GRID2: variants seen among roughly 807,000 people sequenced by gnomAD.
GRID2 encodes glutamate ionotropic receptor delta type subunit 2, also known as glutamate receptor ionotropic, delta-2.
GRID2 carries 33 observed loss-of-function variants against 114.8 expected under a neutral mutation model. That is an observed-to-expected ratio of 0.29 (90% CI 0.22 to 0.38). GRID2 has a LOEUF of 0.38. GRID2 is among the 10% of genes least tolerant of loss of function. The pLI is 1.00. For synonymous variants in GRID2, 505 were observed against 449.9 expected, an observed-to-expected ratio of 1.12 and a Z score of -1.55; for missense variants, 1,184 against 1,257.7, an observed-to-expected ratio of 0.94 and a Z score of 0.89.
intron 2 of GRID2, among the ~76,000 whole-genome samples, chr4:92,695,835 A>T (rs1181291458): frequency 6.6e-6 from 1 of 152,148 alleles, no homozygotes; most frequent in Non-Finnish European, 1.5e-5. Flanking sequence ...TTCGTGAATT[A>T]AAAAAATACG....
At chr4:93,645,615 G>A (rs974661912) in intron 14 of GRID2, among the ~76,000 whole-genome samples, 3 of 152,096 alleles carry the variant, frequency 2.0e-5, no homozygotes, top group Non-Finnish European at 2.9e-5. Context: ...AGCACATCAT[G>A]TTGCCTGTCT....
At chr4:92,759,816 G>A (rs1331775406) in intron 2 of GRID2, among the ~76,000 whole-genome samples, 1 of 149,286 alleles carries the variant, frequency 6.7e-6, no homozygotes, top group African/African-American at 2.5e-5. Flanking sequence ...TAGTAGAGAC[G>A]GGGTTTCACC....
intron 2 of GRID2, among the ~76,000 whole-genome samples, chr4:92,736,085 A>C (rs191257277): frequency 7.9e-4 from 121 of 152,276 alleles, no homozygotes; most frequent in Admixed American, 6.3e-3. Context: ...AATTAAGGAT[A>C]TCAAAATGGA....
intron 8 of GRID2, among the ~76,000 whole-genome samples, chr4:93,378,880 A>C (rs2149304869): frequency 6.6e-6 from 1 of 152,072 alleles, no homozygotes; most frequent in South Asian, 2.1e-4. Context: ...ACTGAAAATT[A>C]TTTTTTTGGT....
chr4:93,710,734 G>A (rs528841071), intron 14 of GRID2, among the ~76,000 whole-genome samples: 14 of 152,294 alleles, frequency 9.2e-5, no homozygotes, highest in South Asian at 8.3e-4. Flanking sequence ...CTGGAGTTGA[G>A]AACTTTAGAA....
chr4:92,646,598 T>C (rs1457185806), intron 2 of GRID2, among the ~76,000 whole-genome samples: 44 of 152,214 alleles, frequency 2.9e-4, no homozygotes, highest in Admixed American at 2.9e-3. Flanking sequence ...CCGGAATTAT[T>C]TTTTGTCTAT....
intron 4 of GRID2, among the ~76,000 whole-genome samples, chr4:93,128,120 C>G (rs1372268793): frequency 7.2e-6 from 1 of 139,576 alleles, no homozygotes; most frequent in Non-Finnish European, 1.5e-5. Context: ...GTCAACTTAA[C>G]CTTTTATTCA....
chr4:93,002,724 A>G (rs1271101976), intron 2 of GRID2, among the ~76,000 whole-genome samples: 1 of 151,844 alleles, frequency 6.6e-6, no homozygotes, highest in East Asian at 1.9e-4. Context: ...TATGATGATT[A>G]GACTATTTCC....
intron 13 of GRID2, among the ~76,000 whole-genome samples, chr4:93,544,070 C>T (rs141940093): frequency 1.6e-4 from 25 of 152,268 alleles, no homozygotes; most frequent in Admixed American, 1.2e-3. Context: ...TCATGCTAGA[C>T]ACATTTCAGA....
At chr4:92,617,138 A>G (rs2149234765) in intron 2 of GRID2, among the ~76,000 whole-genome samples, 1 of 151,516 alleles carries the variant, frequency 6.6e-6, no homozygotes, top group Non-Finnish European at 1.5e-5. Flanking sequence ...ACAGTGCTAT[A>G]GTACACAAGA....
intron 2 of GRID2, among the ~76,000 whole-genome samples, chr4:92,758,019 T>C (rs1440376454): frequency 6.6e-6 from 1 of 151,948 alleles, no homozygotes; most frequent in Non-Finnish European, 1.5e-5. Flanking sequence ...TAGTAACAAT[T>C]CCTTTGGAGA....
At chr4:93,729,098 A>C (rs993415997) in intron 14 of GRID2, among the ~76,000 whole-genome samples, 6 of 152,056 alleles carry the variant, frequency 3.9e-5, no homozygotes, top group African/African-American at 1.4e-4. Flanking sequence ...AGGTTTAACT[A>C]TGTTGGTCAG....
intron 2 of GRID2, among the ~76,000 whole-genome samples, chr4:93,051,414 G>T (rs1363472504): frequency 6.6e-6 from 1 of 152,026 alleles, no homozygotes; most frequent in Non-Finnish European, 1.5e-5. Context: ...AAGAGGCAAA[G>T]ATGGTAGCAT....
rs74986214 is a variant in GRID2 at position 93,427,945 on chromosome 4, T to C, written c.1545+4977T>C. On this transcript the variant is annotated intron_variant, in intron 10 of 15. Transcript: ENST00000282020. Reference sequence around the variant, plus strand: ...AGGGTGAGTTAATGTAACTGAGAAATTATTTTCTCCTAGTTTAGAAGGGAA... The same window carrying C: ...AGGGTGAGTTAATGTAACTGAGAAACTATTTTCTCCTAGTTTAGAAGGGAA... 6.9e-3 allele frequency among the ~76,000 whole-genome samples: 1,052 copies of C among 152,132 alleles called. 11 individuals carry two copies. The highest frequency in any genetic ancestry group is 0.024 in the African/African-American group (1,006 of 41,542).
rs145822411 is a variant in GRID2, at chr4:93,769,951, A to G, written c.2601+501A>G. On this transcript the variant is annotated intron_variant, in intron 15 of 15. Transcript: ENST00000282020. ...CATGTAGACCTATAGAAGCTCTTCG[A>G]TGGCCCCAAGCTTATCAAATCCAAA... 3.0e-4 allele frequency among the ~76,000 whole-genome samples: 45 copies of G among 152,306 alleles called. No homozygotes were observed. The East Asian group carries it at 7.7e-3, about 26-fold the overall frequency.
intron 4 of GRID2, among the ~76,000 whole-genome samples, chr4:93,130,559 G>A (rs574112664): frequency 6.6e-6 from 1 of 152,124 alleles, no homozygotes; most frequent in South Asian, 2.1e-4. Flanking sequence ...AAAAAGAAAA[G>A]TGGCTCTTTA....
At chr4:92,468,791 G>A (rs189331238) in intron 1 of GRID2, among the ~76,000 whole-genome samples, 1 of 152,228 alleles carries the variant, frequency 6.6e-6, no homozygotes, top group Admixed American at 6.6e-5. Flanking sequence ...CCATTAAAAT[G>A]TTTTAGGCTG....
chr4:93,110,918 A>G lies in GRID2; in HGVS notation c.700A>G (p.Met234Val). The G allele has an allele frequency of 6.2e-7, 1 of 1,612,850 alleles. No individual in the cohort carries two copies. Among genetic ancestry groups the G allele is most frequent in the Non-Finnish European group, 8.5e-7 (1 of 1,178,836 alleles). Residue 234 changes from methionine to valine, a missense_variant, in exon 4 of 16, where the codon ATG becomes GTG. This residue lies in a region of GRID2 where 455 missense variants were observed against 429.5 expected (regional missense o/e 1.06). Coordinates refer to ENST00000282020, the MANE Select transcript of GRID2 (RefSeq NM_001510.4). The part of the protein sequence containing the change: ...RDTLRRAILV[M>V]NPATAKSFIT... ...CACTCTTAGGCGAGCGATCCTTGTT[A>G]TGAATCCTGCTACAGCCAAATCCTT... is the stretch of plus-strand genomic sequence containing the variant.
chr4:93,104,882 C>T (rs1465727010), intron 3 of GRID2, among the ~76,000 whole-genome samples: 1 of 152,018 alleles, frequency 6.6e-6, no homozygotes, highest in African/African-American at 2.4e-5. Context: ...GGAATCGCCA[C>T]ACTGACTTCC....
Sources: gnomAD v4.1 joint callset for allele counts (sites outside exome capture counted in the v4.1 genomes callset) on GRCh38, gnomAD v4.1.1 for gene constraint, gnomAD v4.1.1 regional missense constraint, MANE v1.5 for transcripts, NCBI Gene and HGNC (gene_info 2026-07-23, HGNC 2026-07-21) for gene names.